The following SOD2 variants were observed in gnomAD, a reference collection of about 807,000 sequenced individuals.
SOD2 encodes superoxide dismutase 2.
Under a neutral mutation model 27.0 loss-of-function variants are expected in SOD2, and 11 were observed. The ratio of observed to expected loss-of-function variants is 0.41; its 90% CI spans 0.26 to 0.67. The LOEUF (loss-of-function observed/expected upper bound fraction) is 0.67. Ranked by LOEUF, SOD2 falls within the 30% of genes least tolerant of loss-of-function variation. The pLI is 0.34. For missense variants in SOD2, 250 were observed against 274.5 expected (o/e 0.91, Z 0.63); for synonymous variants, 105 against 103.0 (o/e 1.02, Z -0.12).
rs1780013526 is a variant in SOD2, at chr6:159,682,645, G to C, written c.524-7C>G. ...CCCAGCAGTGGAATAAGGCCTGTTA[G>C]AAAGAAGGGGAAAACAAACCAACCA... On this transcript the variant is annotated splice_region_variant and splice_polypyrimidine_tract_variant and intron_variant, in intron 4 of 4. Transcript: ENST00000538183. The C allele has an allele frequency of 1.3e-6, 2 of 1,598,808 alleles. No individual in the cohort carries two copies. Among genetic ancestry groups the C allele is most frequent in the East Asian group, 4.5e-5 (2 of 44,272 alleles).
chr6:159,746,280 G>A (rs1779568586), upstream of SOD2, among the ~76,000 whole-genome samples: 1 of 152,212 alleles, frequency 6.6e-6, no homozygotes, highest in South Asian at 2.1e-4. Context: ...TACTATAGGA[G>A]TTTGGAGGGA....
At chr6:159,753,946 C>G (rs920734928) in intron 1 of SOD2, among the ~76,000 whole-genome samples, 1 of 152,140 alleles carries the variant, frequency 6.6e-6, no homozygotes, top group South Asian at 2.1e-4. Flanking sequence ...GGAGAATAAG[C>G]ATTTCTCGTT....
exon 1 of SOD2, chr6:159,761,642 C>G (rs1341178638): frequency 2.2e-6 from 1 of 450,292 alleles, no homozygotes; most frequent in Non-Finnish European, 4.5e-6. Context: ...CTGAGCTGAA[C>G]GAGAGATAAG....
chr6:159,737,084 C>G (rs1417917339), intron 1 of SOD2, among the ~76,000 whole-genome samples: 2 of 152,198 alleles, frequency 1.3e-5, no homozygotes, highest in African/African-American at 4.8e-5. Flanking sequence ...GTCTTGCTCT[C>G]TTGCCCAGGT....
intron 3 of SOD2, 62 bp downstream of exon 3, chr6:159,688,064 A>G: frequency 1.1e-6 from 1 of 926,830 alleles, no homozygotes; most frequent in Non-Finnish European, 1.7e-6. Flanking sequence ...AACTTCAGTA[A>G]ATCAACAATC....
At chr6:159,701,611 C>T (rs568021354) in intron 1 of SOD2, among the ~76,000 whole-genome samples, 63 of 151,130 alleles carry the variant, frequency 4.2e-4, no homozygotes, top group African/African-American at 1.5e-3. Flanking sequence ...AGCATTTGAT[C>T]CAGGGACGAA....
upstream of SOD2, among the ~76,000 whole-genome samples, chr6:159,730,465 GA>G (rs1323509317): frequency 1.3e-5 from 2 of 152,076 alleles, no homozygotes; most frequent in African/African-American, 4.8e-5. Flanking sequence ...TTGCCCTGGG[GA>G]ATACCAAACT....
intron 3 of SOD2, among the ~76,000 whole-genome samples, chr6:159,685,447 G>C (rs1780145185): frequency 6.6e-6 from 1 of 151,952 alleles, no homozygotes; most frequent in African/African-American, 2.4e-5. Context: ...TCTCCATGTT[G>C]GTCAGGCTGG....
upstream of SOD2, among the ~76,000 whole-genome samples, chr6:159,746,588 A>G (rs1451879790): frequency 6.6e-6 from 1 of 152,160 alleles, no homozygotes; most frequent in African/African-American, 2.4e-5. Flanking sequence ...ATCAGTAGTC[A>G]ATTTAGTTAG....
intron 1 of SOD2, among the ~76,000 whole-genome samples, chr6:159,701,395 C>T (rs767887666): frequency 3.9e-5 from 6 of 152,042 alleles, no homozygotes; most frequent in Non-Finnish European, 7.4e-5. Context: ...TACTAAAGAA[C>T]ATATATTTTT....
At chr6:159,719,897 A>AT (rs1159860923) in intron 1 of SOD2, among the ~76,000 whole-genome samples, 1 of 149,354 alleles carries the variant, frequency 6.7e-6, no homozygotes, top group Non-Finnish European at 1.5e-5. Flanking sequence ...TAATTTTTGT[A>AT]TTTTTTAGCA....
chr6:159,737,288 A>AT (rs986936454), intron 1 of SOD2, among the ~76,000 whole-genome samples: 25 of 152,174 alleles, frequency 1.6e-4, no homozygotes, highest in Admixed American at 3.9e-4. Flanking sequence ...GGCTCAAGAG[A>AT]TAGCCACCTG....
chr6:159,689,576 A>G (rs115059425), intron 2 of SOD2, among the ~76,000 whole-genome samples: 1 of 152,372 alleles, frequency 6.6e-6, no homozygotes, highest in African/African-American at 2.4e-5. Flanking sequence ...AGCAAAGTAA[A>G]GGACACAGAG....
chr6:159,735,567 G>A lies in SOD2; in HGVS notation c.-116+9563C>T, dbSNP rs915385356. Among the ~76,000 whole-genome samples the A allele has an allele frequency of 5.9e-5, 9 of 152,222 alleles. No homozygotes were observed. In the East Asian group the frequency reaches 9.7e-4, roughly 16 times the overall value. ...AGTTCGAGACCAGCCTGACCAACAC[G>A]GTGAAACCCCGTCTCTACTAAAAAT... On this transcript the variant is annotated intron_variant, in intron 1 of 3. Coordinates refer to the SOD2 transcript ENST00000537657.
intron 1 of SOD2, among the ~76,000 whole-genome samples, chr6:159,700,781 C>T (rs778840276): frequency 6.6e-6 from 1 of 152,058 alleles, no homozygotes; most frequent in Non-Finnish European, 1.5e-5. Context: ...TCTCTGAGTG[C>T]ACTTTGAAAG....
chr6:159,735,397 C>T (rs1444984753), intron 1 of SOD2, among the ~76,000 whole-genome samples: 1 of 152,164 alleles, frequency 6.6e-6, no homozygotes, highest in Non-Finnish European at 1.5e-5. Context: ...CACCAGCCTC[C>T]CAAAATGCTG....
chr6:159,743,584 C>T (rs769617179), intron 1 of SOD2: 18 of 1,331,052 alleles, frequency 1.4e-5, no homozygotes, highest in Non-Finnish European at 1.8e-5. Flanking sequence ...AATTTTTTGA[C>T]CCTAGTTCTT....
At chr6:159,713,440 T>C in intron 1 of SOD2, 1 of 651,428 alleles carries the variant, frequency 1.5e-6, no homozygotes, top group East Asian at 2.6e-5. Context: ...AGCTTGGCTA[T>C]TCTAGAAGAT....
At chr6:159,726,959 C>T in intron 1 of SOD2, 1 of 1,286,110 alleles carries the variant, frequency 7.8e-7, no homozygotes, top group Non-Finnish European at 1.0e-6. Context: ...ATGAGCGTCA[C>T]GAACACAGAG....
Sources: allele counts gnomAD v4.1 joint callset (sites outside exome capture counted in the v4.1 genomes callset), GRCh38; gene constraint gnomAD v4.1.1; transcripts MANE v1.5; gene names NCBI Gene and HGNC (gene_info 2026-07-23, HGNC 2026-07-21).